The following CEP250 variants were observed in gnomAD, a reference collection of about 807,000 sequenced individuals.
The protein encoded by CEP250 is centrosome-associated protein CEP250.
Under a neutral mutation model 315.7 loss-of-function variants are expected in CEP250, and 242 were observed. That is an observed-to-expected ratio of 0.77 (90% CI 0.69 to 0.85). CEP250 has a LOEUF of 0.85. Ranked by LOEUF, CEP250 falls within the 40% of genes least tolerant of loss-of-function variation. The pLI, the probability that CEP250 is intolerant of heterozygous loss-of-function variation, is 0.00. For synonymous variants in CEP250, 1,088 were observed against 1,175.0 expected (o/e 0.93, Z 1.51); for missense variants, 2,515 against 2,886.4 (o/e 0.87, Z 2.95).
chr20:35,492,446 A>G (rs1437798552), intron 22 of CEP250, among the ~76,000 whole-genome samples: 2 of 152,146 alleles, frequency 1.3e-5, no homozygotes, highest in African/African-American at 2.4e-5. Flanking sequence ...ACTACACAGT[A>G]TACGTTAAAT....
chr20:35,479,800 A>G, intron 19 of CEP250, 27 bp downstream of exon 19: 1 of 1,613,884 alleles, frequency 6.2e-7, no homozygotes, highest in Non-Finnish European at 8.5e-7. Flanking sequence ...GATGGGATGC[A>G]CTCCATTCCA....
rs2064445539 is a variant in CEP250, at chr20:35,517,363, G to A, written c.*5737G>A. ...TAAGAATGAAAAGGGGCACCACCCT[G>A]TGCCAAAGCTGGCATGTTGTATATC... On this transcript the variant is annotated 3_prime_UTR_variant, in exon 35 of 35. Coordinates refer to ENST00000397527, the MANE Select transcript of CEP250 (RefSeq NM_007186.6). The A allele has an allele frequency of 6.6e-6, 1 of 152,210 alleles. No individual in the cohort carries two copies. Among genetic ancestry groups the A allele is most frequent in the Non-Finnish European group, 1.5e-5 (1 of 68,056 alleles). The allele number at this position is 152,210 out of a possible 1,614,324, so 9.4% of individuals were successfully genotyped here.
chr20:35,457,253 A>G (rs1405695972), intron 1 of CEP250, among the ~76,000 whole-genome samples: 5 of 152,248 alleles, frequency 3.3e-5, no homozygotes, highest in Non-Finnish European at 7.3e-5. Context: ...CGATAAAACA[A>G]TGCTTTTGCA....
chr20:35,486,248 C>T (rs373749135), intron 20 of CEP250, among the ~76,000 whole-genome samples: 6 of 151,810 alleles, frequency 4.0e-5, no homozygotes, highest in African/African-American at 1.5e-4. Flanking sequence ...CTCCTGACCT[C>T]AAGACAAGGT....
In CEP250 at chr20:35,503,779, C is replaced by T; in HGVS notation, c.5410C>T (p.Gln1804Ter). Residue 1804 changes from glutamine (Q) to a stop codon, truncating the protein, a stop_gained, in exon 30 of 35, where the codon CAA becomes TAA. Coordinates refer to ENST00000397527, the MANE Select transcript of CEP250 (RefSeq NM_007186.6). LOFTEE classifies it high-confidence loss of function. The surrounding 1 kb of genome is among the most constrained non-coding windows in gnomAD (Gnocchi z 4.2). ...GCTGAAGGAGCAGTCACTTCAGAGT[C>T]AACTGGATGAGGCCCAGAGAGCCCT... ...GELKEQSLQS[Q>*]LDEAQRALAQ... 3.1e-6 allele frequency: 5 copies of T among 1,613,920 alleles called. No homozygotes were observed. The highest frequency in any genetic ancestry group is 4.2e-6 in the Non-Finnish European group (5 of 1,180,006).
intron 2 of CEP250, among the ~76,000 whole-genome samples, chr20:35,459,458 G>T (rs2062706460): frequency 6.6e-6 from 1 of 152,086 alleles, no homozygotes; most frequent in African/African-American, 2.4e-5. Flanking sequence ...TAGGTTGAAT[G>T]ATGTGAAATT....
Position 35,473,874 on chromosome 20 carries a change from C to T in CEP250, c.1393C>T (p.Arg465Ter), listed in dbSNP as rs759357320. ...TCTCTGATTCCCTTCTTCCAGGGAG[C>T]GAGAGCTGCTGCAGAAGGCCAGGGA... ...QGEVDSLSKERELLQKAREEL... is the reference protein window; with the variant it reads ...QGEVDSLSKE The change falls in exon 14 of 35, where the codon CGA becomes TGA. Residue 465 changes from arginine to a stop codon, truncating the protein, a stop_gained. Transcript: ENST00000397527. LOFTEE classifies it high-confidence loss of function. 19 of 1,610,320 alleles carry T rather than the reference C, an allele frequency of 1.2e-5. No homozygotes were observed. The highest frequency in any genetic ancestry group is 5.4e-5 in the African/African-American group (4 of 74,614).
Position 35,479,999 on chromosome 20 carries a change from GA to G in CEP250, c.2442del (p.Glu814AspfsTer42). The G allele has an allele frequency of 6.2e-7, 1 of 1,613,842 alleles. No homozygotes were observed. Among genetic ancestry groups the G allele is most frequent in the East Asian group, 2.2e-5 (1 of 44,886 alleles). ...IQGEVRCLKL[E>X]LDTERSQAEQ... ...AGGGGAAGTGAGGTGCCTGAAGCTG[GA>G]ACTGGACACTGAACGGAGTCAGGCA... On this transcript the variant is annotated frameshift_variant, in exon 20 of 35. Transcript: ENST00000397527. LOFTEE classifies it high-confidence loss of function.
rs1479368238 is a variant in CEP250 at position 35,502,554 on chromosome 20, A to G, written c.4185A>G (p.Val1395=). The change falls in exon 30 of 35, where the codon GTA becomes GTG. Residue 1395 remains valine, a synonymous_variant. Coordinates refer to ENST00000397527, the MANE Select transcript of CEP250 (RefSeq NM_007186.6). The stretch of plus-strand genomic sequence containing the variant: ...CACTGAAGCTGAAAAATGAGGAAGT[A>G]GAGAGTGAGCGTGAGAGAGCCCAGG... ...RSALKLKNEE[V]ESERERAQAL... The G allele has an allele frequency of 3.7e-6, 6 of 1,614,114 alleles. No individual in the cohort carries two copies. The highest frequency in any genetic ancestry group is 5.1e-6 in the Non-Finnish European group (6 of 1,180,054).
chr20:35,501,398 G>A (rs1305255713), intron 28 of CEP250, among the ~76,000 whole-genome samples: 2 of 152,126 alleles, frequency 1.3e-5, no homozygotes, highest in Non-Finnish European at 2.9e-5. Flanking sequence ...GCCGTTTGAG[G>A]GTTCCCTGAG....
intron 2 of CEP250, among the ~76,000 whole-genome samples, chr20:35,459,640 G>C (rs77017948): frequency 7.0e-6 from 1 of 143,824 alleles, no homozygotes; most frequent in African/African-American, 2.6e-5. Flanking sequence ...AAAAAAAAAA[G>C]CCTCGGTGGC....
chr20:35,477,548 A>C (rs1317743503), intron 16 of CEP250, among the ~76,000 whole-genome samples: 2 of 152,264 alleles, frequency 1.3e-5, no homozygotes, highest in Non-Finnish European at 2.9e-5. Context: ...TCTTTTCTAT[A>C]GGTTATAAAT....
chr20:35,465,989 G>A (rs2062868598), intron 6 of CEP250, 50 bp from the exon 7 acceptor site: 1 of 1,603,884 alleles, frequency 6.2e-7, no homozygotes, highest in Non-Finnish European at 8.5e-7. Context: ...AGGTCCAAGG[G>A]TTGGACTAGA....
In CEP250 at chr20:35,507,973, T is replaced by G. The variant is rs1601319462; in HGVS notation, c.6751-62T>G. The G allele has an allele frequency of 3.7e-6, 6 of 1,608,624 alleles. No homozygotes were observed. The East Asian group carries it at 8.9e-5, about 24-fold the overall frequency. On this transcript the variant is annotated intron_variant, in intron 31 of 34. Transcript: ENST00000397527. Reference sequence around the variant, plus strand: ...ACCTGCCAGATTGGTCTGTGTGTCCTCTGTCTGTTCCCTACCTGTCTTAGG... The same window carrying G: ...ACCTGCCAGATTGGTCTGTGTGTCCGCTGTCTGTTCCCTACCTGTCTTAGG...
intron 30 of CEP250, among the ~76,000 whole-genome samples, chr20:35,505,666 A>G (rs2064166505): frequency 6.6e-6 from 1 of 151,720 alleles, no homozygotes; most frequent in African/African-American, 2.4e-5. Context: ...AAAAAAAAAA[A>G]AAAAATAGAC....
chr20:35,502,520 C>T lies in CEP250; in HGVS notation c.4151C>T (p.Ala1384Val), dbSNP rs768983267. 3.7e-6 allele frequency: 6 copies of T among 1,614,032 alleles called. No homozygotes were observed. Among genetic ancestry groups the T allele is most frequent in the Admixed American group, 1.7e-5 (1 of 59,994 alleles). Residue 1384 changes from alanine (A) to valine (V), a missense_variant, in exon 30 of 35, where the codon GCT becomes GTT. Transcript: ENST00000397527. ...AGILEEDLRT[A>V]RSALKLKNEE... ...ATCCTGGAAGAAGACCTGAGAACGGCTCGCTCAGCACTGAAGCTGAAAAAT... is the reference window on the plus strand; with the variant it reads ...ATCCTGGAAGAAGACCTGAGAACGGTTCGCTCAGCACTGAAGCTGAAAAAT...
rs140877246 is a variant in CEP250, at chr20:35,461,703, G to A, written c.-103-562G>A. 4.2e-3 allele frequency among the ~76,000 whole-genome samples: 637 copies of A among 152,280 alleles called. 9 individuals carry two copies. The highest frequency in any genetic ancestry group is 0.03 in the East Asian group (157 of 5,182). ...CCCAGTTTCCTCATCTATATATAAA[G>A]AGTTATAATAGTACGTTTGGTGAAG... On this transcript the variant is annotated intron_variant, in intron 3 of 34. Coordinates refer to ENST00000397527, the MANE Select transcript of CEP250 (RefSeq NM_007186.6).
At chr20:35,470,864 G>A (rs1421269624) in intron 10 of CEP250, among the ~76,000 whole-genome samples, 2 of 152,228 alleles carry the variant, frequency 1.3e-5, no homozygotes, top group Non-Finnish European at 2.9e-5. Flanking sequence ...GAGCTGTTAA[G>A]TAGTTGAACA....
At position 35,490,818 on chromosome 20, in the gene CEP250, A is replaced by C; in HGVS notation, c.2754+14A>C. ...GCCCTATGCCAGGTGGGAAGCTAGG[A>C]GGATTGGAGCTGCACGTCCAGTCAG... On this transcript the variant is annotated intron_variant, in intron 21 of 34. Coordinates refer to ENST00000397527, the MANE Select transcript of CEP250 (RefSeq NM_007186.6). 6.2e-7 allele frequency: 1 copy of C among 1,611,152 alleles called. No individual in the cohort carries two copies. Among genetic ancestry groups the C allele is most frequent in the Middle Eastern group, 2.0e-4 (1 of 5,074 alleles).
Sources: gnomAD v4.1 joint callset for allele counts (sites outside exome capture counted in the v4.1 genomes callset) on GRCh38, gnomAD v4.1.1 for gene constraint, Gnocchi (gnomAD v3.1) non-coding constraint, MANE v1.5 for transcripts, NCBI Gene and HGNC (gene_info 2026-07-23, HGNC 2026-07-21) for gene names.